The following GPC6 variants were observed in gnomAD, a reference collection of about 807,000 sequenced individuals.
The protein encoded by GPC6 is glypican-6.
In GPC6, 14 loss-of-function variants were observed where a neutral mutation model predicts 55.2. The observed-to-expected ratio is 0.25, with a 90% confidence interval of 0.17 to 0.40. The LOEUF (loss-of-function observed/expected upper bound fraction) is 0.40, where lower values mean the gene tolerates loss of function less well. Ranked by LOEUF, GPC6 falls within the 10% of genes least tolerant of loss-of-function variation. The probability of loss-of-function intolerance (pLI) is 1.00; values close to 1 mark genes in which losing one functional copy is unlikely to be tolerated. For synonymous variants in GPC6, 278 were observed against 259.6 expected (o/e 1.07, Z -0.68); for missense variants, 641 against 708.5 (o/e 0.90, Z 1.08).
intron 4 of GPC6, among the ~76,000 whole-genome samples, chr13:94,083,411 C>T (rs1440618094): frequency 6.6e-6 from 1 of 152,216 alleles, no homozygotes; most frequent in Non-Finnish European, 1.5e-5. Context: ...AGCCACTGCA[C>T]CCGGCCAGGT....
chr13:93,541,405 T>A (rs1236295613), intron 1 of GPC6, among the ~76,000 whole-genome samples: 7 of 103,590 alleles, frequency 6.8e-5, no homozygotes, highest in Non-Finnish European at 1.4e-4. Context: ...ATGTGCCACA[T>A]TTTCTTAATC....
intron 4 of GPC6, among the ~76,000 whole-genome samples, chr13:94,039,522 C>T (rs1171585140): frequency 6.6e-6 from 1 of 151,850 alleles, no homozygotes; most frequent in Non-Finnish European, 1.5e-5. Flanking sequence ...GAGAGAAAGA[C>T]AGTGCTGTTA....
At chr13:93,844,914 T>C (rs946965952) in intron 3 of GPC6, among the ~76,000 whole-genome samples, 54 of 152,100 alleles carry the variant, frequency 3.6e-4, no homozygotes, top group African/African-American at 1.3e-3. Context: ...CCTTTCCCCA[T>C]TGCTTGTTTT....
chr13:93,463,607 C>G (rs141598668), intron 1 of GPC6, among the ~76,000 whole-genome samples: 10 of 152,156 alleles, frequency 6.6e-5, no homozygotes, highest in African/African-American at 2.2e-4. Context: ...TTTTAGCATG[C>G]CACTGTGTAC....
intron 2 of GPC6, among the ~76,000 whole-genome samples, chr13:93,696,982 A>G (rs1361667885): frequency 1.3e-5 from 2 of 152,110 alleles, no homozygotes; most frequent in Non-Finnish European, 2.9e-5. Flanking sequence ...CAACTTCTGA[A>G]CAGTGTCTCT....
At chr13:94,279,077 TG>T (rs1241631567) in intron 4 of GPC6, among the ~76,000 whole-genome samples, 1 of 152,300 alleles carries the variant, frequency 6.6e-6, no homozygotes, top group South Asian at 2.1e-4. Context: ...GGGCTTTTTT[TG>T]GTTGGTAGGC....
chr13:93,832,787 T>C (rs1566559003), intron 3 of GPC6, among the ~76,000 whole-genome samples: 1 of 152,156 alleles, frequency 6.6e-6, no homozygotes, highest in Non-Finnish European at 1.5e-5. Context: ...CAACCATCAG[T>C]AGAGTATGAC....
At chr13:94,090,708 A>G (rs1234519476) in intron 4 of GPC6, among the ~76,000 whole-genome samples, 1 of 152,068 alleles carries the variant, frequency 6.6e-6, no homozygotes, top group African/African-American at 2.4e-5. Flanking sequence ...CACAAAATGG[A>G]TATTATTATG....
intron 2 of GPC6, among the ~76,000 whole-genome samples, chr13:93,794,289 G>C (rs1337184639): frequency 2.0e-5 from 3 of 152,160 alleles, no homozygotes; most frequent in African/African-American, 7.2e-5. Flanking sequence ...CTATATAGTG[G>C]TTCTCTAAGC....
chr13:94,136,948 T>C (rs1333020095), intron 4 of GPC6, among the ~76,000 whole-genome samples: 1 of 152,128 alleles, frequency 6.6e-6, no homozygotes, highest in African/African-American at 2.4e-5. Context: ...GTAGGAAGTA[T>C]AGACATTTGA....
intron 3 of GPC6, among the ~76,000 whole-genome samples, chr13:93,843,522 T>C (rs1287122887): frequency 2.6e-5 from 4 of 152,096 alleles, no homozygotes; most frequent in Non-Finnish European, 5.9e-5. Flanking sequence ...CAAATCTGAA[T>C]CTATGTCAGA....
intron 3 of GPC6, among the ~76,000 whole-genome samples, chr13:94,016,992 G>A (rs548133508): frequency 1.3e-5 from 2 of 152,060 alleles, no homozygotes; most frequent in East Asian, 3.9e-4. Flanking sequence ...CCGCCACCAT[G>A]CCCAGCTAAT....
chr13:93,945,693 G>C (rs973281511), intron 3 of GPC6, among the ~76,000 whole-genome samples: 4 of 152,190 alleles, frequency 2.6e-5, no homozygotes, highest in African/African-American at 9.6e-5. Flanking sequence ...TGCAGAAGTT[G>C]TGGATGAGAA....
At chr13:94,328,786 C>A (rs1161015871) in intron 6 of GPC6, among the ~76,000 whole-genome samples, 1 of 152,232 alleles carries the variant, frequency 6.6e-6, no homozygotes, top group African/African-American at 2.4e-5. Context: ...GGGCAGCCTG[C>A]TGTGGGAGGA....
At chr13:93,282,149 A>G (rs1398030235) in intron 1 of GPC6, among the ~76,000 whole-genome samples, 1 of 152,174 alleles carries the variant, frequency 6.6e-6, no homozygotes, top group Non-Finnish European at 1.5e-5. Flanking sequence ...AAGTTATATT[A>G]TTTCTTGGGA....
chr13:93,688,064 T>C (rs1463176049), intron 2 of GPC6, among the ~76,000 whole-genome samples: 1 of 152,102 alleles, frequency 6.6e-6, no homozygotes, highest in Non-Finnish European at 1.5e-5. Context: ...TGAGAATATA[T>C]ACAATATTGG....
intron 4 of GPC6, among the ~76,000 whole-genome samples, chr13:94,121,830 T>G (rs1886642519): frequency 6.6e-6 from 1 of 152,112 alleles, no homozygotes; most frequent in East Asian, 1.9e-4. Context: ...GAATCAGCAT[T>G]GTTCATGTTC....
chr13:94,185,973 T>C (rs973637749), intron 4 of GPC6, among the ~76,000 whole-genome samples: 1 of 135,294 alleles, frequency 7.4e-6, no homozygotes, highest in Non-Finnish European at 1.5e-5. Flanking sequence ...GGCAGGAGAA[T>C]GGCATGAACC....
chr13:93,861,353 A>G (rs1888804371), intron 3 of GPC6, among the ~76,000 whole-genome samples: 1 of 151,436 alleles, frequency 6.6e-6, no homozygotes, highest in Non-Finnish European at 1.5e-5. Flanking sequence ...AAGTATGTAT[A>G]ATTTTGGACA....
Sources: gnomAD v4.1 joint callset for allele counts (sites outside exome capture counted in the v4.1 genomes callset) on GRCh38, gnomAD v4.1.1 for gene constraint, MANE v1.5 for transcripts, NCBI Gene and HGNC (gene_info 2026-07-23, HGNC 2026-07-21) for gene names.